PRDX5: variants seen among roughly 807,000 people sequenced by gnomAD.
PRDX5 encodes the protein peroxiredoxin 5, also known as peroxiredoxin-5, mitochondrial.
In PRDX5, 21 loss-of-function variants were observed where a neutral mutation model predicts 23.8. The observed-to-expected ratio is 0.88, with a 90% CI of 0.63 to 1.27. PRDX5 has a LOEUF of 1.27. PRDX5 is among the 50% of genes most tolerant of loss of function. The probability of loss-of-function intolerance (pLI) is 0.00; values close to 1 mark genes in which losing one functional copy is unlikely to be tolerated. For missense variants in PRDX5, 261 were observed against 270.6 expected (o/e 0.96, Z 0.25); for synonymous variants, 111 against 113.3 (o/e 0.98, Z 0.13).
In PRDX5 at chr11:64,321,695, C is replaced by G. The variant is rs534808679; in HGVS notation, c.*4C>G. ...CAATATCATCTCACAGCTCTGAGGC[C>G]CTGGGCCAGATTACTTCCTCCACCC... On this transcript the variant is annotated 3_prime_UTR_variant, in exon 6 of 6. Coordinates refer to ENST00000265462, the MANE Select transcript of PRDX5 (RefSeq NM_012094.5). 1,132 of 1,562,668 alleles carry G rather than the reference C, an allele frequency of 7.2e-4. 19 individuals carry two copies. The South Asian group carries it at 0.012, about 17-fold the overall frequency.
chr11:64,318,440 C>A, intron 1 of PRDX5, 54 bp downstream of exon 1: 1 of 1,548,416 alleles, frequency 6.5e-7, no homozygotes. Context: ...ATGGCAATCC[C>A]CGTCCCGCTA....
intron 2 of PRDX5, 55 bp downstream of exon 2, chr11:64,319,923 A>C: frequency 6.3e-7 from 1 of 1,598,870 alleles, no homozygotes; most frequent in Non-Finnish European, 8.5e-7. Context: ...TGTTGCTCTT[A>C]AGTCCTCCAC....
intron 2 of PRDX5, 131 bp from the exon 3 acceptor site, chr11:64,320,530 A>G (rs774728485): frequency 1.3e-5 from 17 of 1,336,282 alleles, no homozygotes; most frequent in Non-Finnish European, 1.7e-5. Flanking sequence ...AGGAAATAGA[A>G]TGGTTTAGAC....
At chr11:64,319,899 C>T (rs1253417892) in intron 2 of PRDX5, 31 bp downstream of exon 2, 5 of 1,610,210 alleles carry the variant, frequency 3.1e-6, no homozygotes, top group East Asian at 2.2e-5. Flanking sequence ...AAGATCAGGA[C>T]CTGGGATCTT....
At position 64,319,624 on chromosome 11, in the gene PRDX5, G is replaced by A. The variant is rs989094698; in HGVS notation, c.172-110G>A. 2.9e-6 allele frequency: 4 copies of A among 1,385,082 alleles called. No individual in the cohort carries two copies. In the African/African-American group the frequency reaches 5.8e-5, roughly 20 times the overall value. The allele number at this position is 1,385,082 out of a possible 1,614,324, so 85.8% of individuals were successfully genotyped here. A position where few individuals can be genotyped will look rare whatever the true frequency, so the allele number is the denominator to read the frequency against. On this transcript the variant is annotated intron_variant, in intron 1 of 5. Coordinates refer to ENST00000265462, the MANE Select transcript of PRDX5 (RefSeq NM_012094.5). ...TGACAGGGCTGGAGTATCCTGCTGG[G>A]TTTCAGCCCCGGTTCCTGCAGGCAC...
In PRDX5 at chr11:64,320,667, C is replaced by A; in HGVS notation, c.313C>A (p.Leu105Met). ...CTTTGTTCCCCTTCCTCAGACACAC[C>A]TGCCAGGGTTTGTGGAGCAGGCTGA... ...AFTPGCSKTH[L>M]PGFVEQAEAL... The change falls in exon 3 of 6, where the codon CTG becomes ATG. Residue 105 changes from leucine (L) to methionine (M), a missense_variant. Physicochemically the swap from Leu to Met is conservative, Grantham distance 15. Transcript: ENST00000265462. 6.3e-7 allele frequency: 1 copy of A among 1,596,294 alleles called. No individual in the cohort carries two copies. Among genetic ancestry groups the A allele is most frequent in the Non-Finnish European group, 8.6e-7 (1 of 1,169,028 alleles).
In PRDX5 at chr11:64,320,702, G is replaced by A. The variant is rs887529890; in HGVS notation, c.348G>A (p.Lys116=). The A allele has an allele frequency of 5.6e-6, 9 of 1,613,126 alleles. No individual in the cohort carries two copies. The highest frequency in any genetic ancestry group is 7.6e-6 in the Non-Finnish European group (9 of 1,179,214). Residue 116 remains lysine, a synonymous_variant, in exon 3 of 6, where the codon AAG becomes AAA. Transcript: ENST00000265462. ...TTGTGGAGCAGGCTGAGGCTCTGAA[G>A]GCCAAGGGAGTCCAGGTGGTGGCCT... The part of the protein sequence containing the change: ...PGFVEQAEAL[K]AKGVQVVACL...
intron 5 of PRDX5, among the ~76,000 whole-genome samples, 179 bp downstream of exon 5, chr11:64,321,247 T>C (rs1315497331): frequency 8.0e-6 from 1 of 124,790 alleles, no homozygotes; most frequent in Non-Finnish European, 1.7e-5. Context: ...GTGGAGAGAG[T>C]CCTCTGTGGG....
chr11:64,321,655 C>T lies in PRDX5; in HGVS notation c.609C>T (p.Thr203=). The T allele has an allele frequency of 6.2e-7, 1 of 1,605,330 alleles. No homozygotes were observed. The highest frequency in any genetic ancestry group is 8.5e-7 in the Non-Finnish European group (1 of 1,176,182). ...TGGAACCAGATGGCACAGGCCTCAC[C>T]TGCAGCCTGGCACCCAATATCATCT... ...LNVEPDGTGL[T]CSLAPNIISQ... is the part of the protein sequence containing the mutation. The change falls in exon 6 of 6, where the codon ACC becomes ACT. Residue 203 remains threonine, a synonymous_variant. Coordinates refer to ENST00000265462, the MANE Select transcript of PRDX5 (RefSeq NM_012094.5).
Position 64,318,293 on chromosome 11 carries a change from G to A in PRDX5, c.78G>A (p.Ala26=), listed in dbSNP as rs942159937. ...TCGGTGGGGCCGGCGGTCAGTCTGCGGCAGCGGCAGCAAGACGGTACAGTG... is the reference window on the plus strand; with the variant it reads ...TCGGTGGGGCCGGCGGTCAGTCTGCAGCAGCGGCAGCAAGACGGTACAGTG... ...ILVGGAGGQS[A]AAAARRYSEG... is the part of the protein sequence containing the mutation. Residue 26 remains alanine (A), a synonymous_variant, in exon 1 of 6, where the codon GCG becomes GCA. Coordinates refer to ENST00000265462, the MANE Select transcript of PRDX5 (RefSeq NM_012094.5). 2 of 1,612,372 alleles carry A rather than the reference G, an allele frequency of 1.2e-6. No homozygotes were observed. Among genetic ancestry groups the A allele is most frequent in the African/African-American group, 1.3e-5 (1 of 74,886 alleles).
At chr11:64,321,248 C>T (rs1479116623) in intron 5 of PRDX5, among the ~76,000 whole-genome samples, 180 bp downstream of exon 5, 1 of 139,778 alleles carries the variant, frequency 7.2e-6, no homozygotes, top group Non-Finnish European at 1.5e-5. Context: ...TGGAGAGAGT[C>T]CTCTGTGGGG....
chr11:64,319,759 A>G lies in PRDX5; in HGVS notation c.197A>G (p.Glu66Gly). The G allele has an allele frequency of 1.2e-6, 2 of 1,613,804 alleles. No individual in the cohort carries two copies. The highest frequency in any genetic ancestry group is 1.7e-6 in the Non-Finnish European group (2 of 1,179,876). ...GTGGGAGATGCCATCCCAGCAGTGG[A>G]GGTGTTTGAAGGGGAGCCAGGGAAC... ...IKVGDAIPAV[E>G]VFEGEPGNKV... Residue 66 changes from glutamate (E) to glycine (G), a missense_variant, in exon 2 of 6, where the codon GAG becomes GGG. Glu to Gly is a moderately conservative substitution (Grantham distance 98). Transcript: ENST00000265462.
rs762547498 is a variant in PRDX5 at position 64,320,891 on chromosome 11, G to A, written c.465G>A (p.Gly155=). 2 of 1,614,202 alleles carry A rather than the reference G, an allele frequency of 1.2e-6. No homozygotes were observed. The highest frequency in any genetic ancestry group is 2.2e-5 in the South Asian group (2 of 91,090). ...TTCGGCTCCTGGCTGATCCCACTGGGGCCTTTGGGAAGGTGAGTGTTCCCC... is the reference window on the plus strand; with the variant it reads ...TTCGGCTCCTGGCTGATCCCACTGGAGCCTTTGGGAAGGTGAGTGTTCCCC... ...GKVRLLADPT[G]AFGKETDLLL... Residue 155 remains glycine (G), a synonymous_variant, in exon 4 of 6, where the codon GGG becomes GGA. Coordinates refer to ENST00000265462, the MANE Select transcript of PRDX5 (RefSeq NM_012094.5).
At position 64,318,392 on chromosome 11, in the gene PRDX5, C is replaced by T. The variant is rs1477917883; in HGVS notation, c.171+6C>T. ...CAGCCATGGCCCCAATCAAGGTGAC[C>T]GCTGGCCCGGCCGGGCCTGACATCC... On this transcript the variant is annotated splice_donor_region_variant and intron_variant, in intron 1 of 5. Transcript: ENST00000265462. 5 of 1,601,512 alleles carry T rather than the reference C, an allele frequency of 3.1e-6. No individual in the cohort carries two copies. Among genetic ancestry groups the T allele is most frequent in the Non-Finnish European group, 4.3e-6 (5 of 1,175,296 alleles).
intron 1 of PRDX5, among the ~76,000 whole-genome samples, chr11:64,319,121 A>G (rs920927184): frequency 1.3e-5 from 2 of 150,512 alleles, no homozygotes; most frequent in African/African-American, 4.9e-5. Flanking sequence ...CCTGCTCTCA[A>G]CCTTTGGGCT....
chr11:64,319,897 G>A lies in PRDX5; in HGVS notation c.306+29G>A, dbSNP rs45576938. 1,407 of 1,610,704 alleles carry A rather than the reference G, an allele frequency of 8.7e-4. 16 individuals are homozygous for A. In the East Asian group the frequency reaches 0.022, roughly 25 times the overall value. On this transcript the variant is annotated intron_variant, in intron 2 of 5. Coordinates refer to ENST00000265462, the MANE Select transcript of PRDX5 (RefSeq NM_012094.5). ...AGGCCCTTCCCCTTCTGAAGATCAGGACCTGGGATCTTTTGTGTTGCTCTT... is the reference window on the plus strand; with the variant it reads ...AGGCCCTTCCCCTTCTGAAGATCAGAACCTGGGATCTTTTGTGTTGCTCTT...
intron 5 of PRDX5, among the ~76,000 whole-genome samples, 157 bp downstream of exon 5, chr11:64,321,225 GGA>G (rs1472993617): frequency 1.9e-4 from 29 of 150,932 alleles, no homozygotes; most frequent in African/African-American, 7.1e-4. Flanking sequence ...TCCTGTGTGG[GGA>G]GAGTCCTCTG....
chr11:64,320,192 T>C (rs2035455226), intron 2 of PRDX5, among the ~76,000 whole-genome samples: 1 of 151,952 alleles, frequency 6.6e-6, no homozygotes, highest in Non-Finnish European at 1.5e-5. Context: ...AGGCAGAGAA[T>C]TGCTTGAACC....
At chr11:64,319,692 C>G (rs1390564266) in intron 1 of PRDX5, 42 bp from the exon 2 acceptor site, 1 of 1,588,286 alleles carries the variant, frequency 6.3e-7, no homozygotes, top group Non-Finnish European at 8.6e-7. Flanking sequence ...CTGGTTTGCC[C>G]CGGCTCCCTC....
Sources: allele counts gnomAD v4.1 joint callset (sites outside exome capture counted in the v4.1 genomes callset), GRCh38; gene constraint gnomAD v4.1.1; transcripts MANE v1.5; gene names NCBI Gene and HGNC (gene_info 2026-07-23, HGNC 2026-07-21).